The following PHACTR2 variants were observed in gnomAD, a reference collection of about 807,000 sequenced individuals.
PHACTR2 encodes the protein chromosome 6 open reading frame 56.
Under a neutral mutation model 76.0 loss-of-function variants are expected in PHACTR2, and 30 were observed. The observed-to-expected ratio is 0.39, with a 90% CI of 0.30 to 0.54. The LOEUF is 0.54. Ranked by LOEUF, PHACTR2 falls within the 20% of genes least tolerant of loss-of-function variation. The pLI is 0.61. For synonymous variants in PHACTR2, 292 were observed against 292.5 expected (o/e 1.00, Z 0.02); for missense variants, 696 against 781.1 (o/e 0.89, Z 1.30).
Position 143,663,090 on chromosome 6 carries a change from G to A in PHACTR2, c.14-48926G>A, listed in dbSNP as rs1030099312. ...ATATTCCCTGGTGTATTTGTACCAC[G>A]TTTTCTCTAGCCAGGCCCCCACTAA... On this transcript the variant is annotated intron_variant, in intron 1 of 11. Coordinates refer to the PHACTR2 transcript ENST00000305766. This position sits in a 1 kb window ranked among gnomAD's most constrained non-coding sequence, Gnocchi z 4.1. Among the ~76,000 whole-genome samples the A allele has an allele frequency of 2.6e-5, 4 of 151,980 alleles. No individual in the cohort carries two copies. The highest frequency in any genetic ancestry group is 6.6e-5 in the Admixed American group (1 of 15,262).
chr6:143,635,089 T>C (rs781324215), intron 1 of PHACTR2, among the ~76,000 whole-genome samples: 3 of 152,188 alleles, frequency 2.0e-5, no homozygotes, highest in Non-Finnish European at 2.9e-5. Context: ...CCTCTCCACA[T>C]TCTTGTTCTC....
At chr6:143,705,794 GTTTGTCAGC>G (rs1778039898) in intron 1 of PHACTR2, among the ~76,000 whole-genome samples, 1 of 152,144 alleles carries the variant, frequency 6.6e-6, no homozygotes, top group South Asian at 2.1e-4. Context: ...CTAAGGTCCT[GTTTGTCAGC>G]ATCTTCACCG....
chr6:143,711,921 G>C, intron 1 of PHACTR2, 95 bp from the exon 2 acceptor site: 1 of 1,033,390 alleles, frequency 9.7e-7, no homozygotes, highest in South Asian at 1.3e-5. Context: ...TAGAGTGGAC[G>C]TGCTTACCGT....
upstream of PHACTR2, among the ~76,000 whole-genome samples, chr6:143,604,162 T>C (rs1253824388): frequency 4.0e-5 from 6 of 149,688 alleles, no homozygotes; most frequent in African/African-American, 1.5e-4. Context: ...CCAAAATGAA[T>C]AGGGAGCAAG....
chr6:143,768,923 T>G (rs982508188), intron 6 of PHACTR2, among the ~76,000 whole-genome samples: 2 of 152,228 alleles, frequency 1.3e-5, no homozygotes, highest in African/African-American at 4.8e-5. Context: ...TTAATGAACC[T>G]GGAGTAAGTA....
At position 143,589,115 on chromosome 6, in the gene PHACTR2, A is replaced by C. The variant is rs534788264; in HGVS notation, c.217+51908A>C. ...TCACAGCTCTGGAGGCTGGAAGTCC[A>C]AGATCAAGGTGTTAGCAGGTATGGT... On this transcript the variant is annotated intron_variant, in intron 1 of 11. Coordinates refer to the PHACTR2 transcript ENST00000367584. This position sits in a 1 kb window ranked among gnomAD's most constrained non-coding sequence, Gnocchi z 4.4. Among the ~76,000 whole-genome samples the C allele has an allele frequency of 4.6e-5, 7 of 152,346 alleles. No individual in the cohort carries two copies. The East Asian group carries it at 1.4e-3, about 29-fold the overall frequency.
Position 143,776,501 on chromosome 6 carries a change from A to T in PHACTR2, c.1590-827A>T, listed in dbSNP as rs926455913. On this transcript the variant is annotated intron_variant, in intron 8 of 12. Coordinates refer to ENST00000440869, the MANE Select transcript of PHACTR2 (RefSeq NM_001100164.2). The surrounding 1 kb of genome is among the most constrained non-coding windows in gnomAD (Gnocchi z 5.3). ...GCATAGCAACAACCGCATTTTAAAT[A>T]CTTAACTATTCACAGGCAGAAGTCC... Among the ~76,000 whole-genome samples the T allele has an allele frequency of 6.6e-6, 1 of 152,218 alleles. No homozygotes were observed. The highest frequency in any genetic ancestry group is 1.5e-5 in the Non-Finnish European group (1 of 68,046).
At chr6:143,814,453 TGAG>T (rs1191973317) in intron 12 of PHACTR2, among the ~76,000 whole-genome samples, 5 of 152,202 alleles carry the variant, frequency 3.3e-5, no homozygotes, top group Admixed American at 3.3e-4. Flanking sequence ...TTGAATAGGC[TGAG>T]GAGAAGGAGG....
At chr6:143,779,899 T>TTTATATTATATTATA (rs377378201) in intron 9 of PHACTR2, among the ~76,000 whole-genome samples, 3,511 of 140,930 alleles carry the variant, frequency 0.025, 58 homozygotes, top group Middle Eastern at 0.058. Context: ...CATATACGTA[T>TTTATATTATATTATA]TTATATTATA....
In PHACTR2 at chr6:143,751,791, T is replaced by C. The variant is rs866910908; in HGVS notation, c.296-1963T>C. ...TCCTTTGCTCTGCTTGTATTTTACT[T>C]ACACACACACACACACACACACACA... On this transcript the variant is annotated intron_variant, in intron 3 of 12. Transcript: ENST00000440869. The surrounding 1 kb of genome is among the most constrained non-coding windows in gnomAD (Gnocchi z 5.7). 2.9e-5 allele frequency among the ~76,000 whole-genome samples: 4 copies of C among 140,268 alleles called. No individual in the cohort carries two copies. The highest frequency in any genetic ancestry group is 5.3e-5 in the African/African-American group (2 of 37,926). 92.0% of individuals were successfully genotyped at this position (140,268 alleles called of 152,430 possible). A position where few individuals can be genotyped will look rare whatever the true frequency, so the allele number is the denominator to read the frequency against.
In PHACTR2 at chr6:143,546,230, A is replaced by G. The variant is rs1562679841; in HGVS notation, c.217+9023A>G. On this transcript the variant is annotated intron_variant, in intron 1 of 11. Transcript: ENST00000367584. The surrounding 1 kb of genome is among the most constrained non-coding windows in gnomAD (Gnocchi z 4.9). ...TAGAAAGATTTCTGAGCTCTAACTT[A>G]TTTTGTGACCTGTTGGCTAAAATTT... 6.6e-6 allele frequency among the ~76,000 whole-genome samples: 1 copy of G among 152,130 alleles called. No homozygotes were observed. Among genetic ancestry groups the G allele is most frequent in the Non-Finnish European group, 1.5e-5 (1 of 68,034 alleles).
chr6:143,765,469 C>T lies in PHACTR2; in HGVS notation c.903C>T (p.Asp301=). ...ACACAACAACTTCTGGCACATCCGA[C>T]CTGAAAGGAGAGCCTGCAGAGACCA... ...SSDTTTSGTS[D]LKGEPAETRV... is the part of the protein sequence containing the mutation. The change falls in exon 6 of 13, where the codon GAC becomes GAT. Residue 301 remains aspartate (D), a synonymous_variant. Transcript: ENST00000440869. This position sits in a 1 kb window ranked among gnomAD's most constrained non-coding sequence, Gnocchi z 4.1. 1 of 1,614,170 alleles carries T rather than the reference C, an allele frequency of 6.2e-7. No individual in the cohort carries two copies. The highest frequency in any genetic ancestry group is 8.5e-7 in the Non-Finnish European group (1 of 1,180,018).
At chr6:143,732,532 G>A (rs772262365) in intron 2 of PHACTR2, among the ~76,000 whole-genome samples, 57 of 152,096 alleles carry the variant, frequency 3.7e-4, no homozygotes, top group Non-Finnish European at 7.4e-4. Context: ...GTTGCTGGAC[G>A]TTGGGTTTCT....
At chr6:143,649,845 C>A (rs1296078930) in intron 1 of PHACTR2, among the ~76,000 whole-genome samples, 1 of 152,130 alleles carries the variant, frequency 6.6e-6, no homozygotes, top group Non-Finnish European at 1.5e-5. Context: ...CTGGTCAGGG[C>A]AATCAGGCAA....
In PHACTR2 at chr6:143,553,409, T is replaced by C. The variant is rs1454538455; in HGVS notation, c.217+16202T>C. 6.6e-6 allele frequency among the ~76,000 whole-genome samples: 1 copy of C among 152,146 alleles called. No individual in the cohort carries two copies. Among genetic ancestry groups the C allele is most frequent in the Non-Finnish European group, 1.5e-5 (1 of 68,024 alleles). On this transcript the variant is annotated intron_variant, in intron 1 of 11. Transcript: ENST00000367584. The surrounding 1 kb of genome is among the most constrained non-coding windows in gnomAD (Gnocchi z 4.2). ...CAGTAAATTCACGGAAGTGAAAATA[T>C]CATACAAACCAGGAAGAGGGGAGTT...
chr6:143,710,972 C>A lies in PHACTR2; in HGVS notation c.47-1044C>A. On this transcript the variant is annotated intron_variant, in intron 1 of 12. Transcript: ENST00000440869. The surrounding 1 kb of genome is among the most constrained non-coding windows in gnomAD (Gnocchi z 4.9). ...ATTTTTGACGGACATCAGTACACTT[C>A]ACCTCTAAACACTTCAGCATACATG... The A allele has an allele frequency of 2.0e-6, 1 of 500,842 alleles. No homozygotes were observed. The highest frequency in any genetic ancestry group is 4.0e-6 in the Non-Finnish European group (1 of 251,960). The allele number at this position is 500,842 out of a possible 1,614,324, so 31.0% of individuals were successfully genotyped here.
At chr6:143,748,948 T>C (rs753279172) in intron 2 of PHACTR2, 37 bp from the exon 3 acceptor site, 1 of 1,026,174 alleles carries the variant, frequency 9.7e-7, no homozygotes, top group African/African-American at 1.6e-5. Flanking sequence ...TCTTAAGGAA[T>C]GACTTGATTC....
At position 143,625,176 on chromosome 6, in the gene PHACTR2, T is replaced by C. The variant is rs1776233781; in HGVS notation, c.13+16854T>C. On this transcript the variant is annotated intron_variant, in intron 1 of 11. Transcript: ENST00000305766. The surrounding 1 kb of genome is among the most constrained non-coding windows in gnomAD (Gnocchi z 4.3). ...GACTTCATCTCAAAAAAAAAAAGTATAGTCAAGGAATATGGTGTTATGAAT... is the reference window on the plus strand; with the variant it reads ...GACTTCATCTCAAAAAAAAAAAGTACAGTCAAGGAATATGGTGTTATGAAT... Among the ~76,000 whole-genome samples, 1 of 151,640 alleles carries C rather than the reference T, an allele frequency of 6.6e-6. No homozygotes were observed. Among genetic ancestry groups the C allele is most frequent in the Non-Finnish European group, 1.5e-5 (1 of 67,922 alleles).
At chr6:143,542,571 C>T (rs992903877) in intron 1 of PHACTR2, among the ~76,000 whole-genome samples, 1 of 152,140 alleles carries the variant, frequency 6.6e-6, no homozygotes, top group African/African-American at 2.4e-5. Context: ...TCTCTGTTGA[C>T]CAGCTTTCTT....
Sources: gnomAD v4.1 joint callset for allele counts (sites outside exome capture counted in the v4.1 genomes callset) on GRCh38, gnomAD v4.1.1 for gene constraint, Gnocchi (gnomAD v3.1) non-coding constraint, MANE v1.5 for transcripts, NCBI Gene and HGNC (gene_info 2026-07-23, HGNC 2026-07-21) for gene names.